Variants in ANKDD1B observed in about 807,000 individuals in gnomAD.
ANKDD1B encodes the protein ankyrin repeat and death domain-containing protein 1B.
Under a neutral mutation model 59.7 loss-of-function variants are expected in ANKDD1B, and 57 were observed. That is an observed-to-expected ratio of 0.95 (90% confidence interval 0.77 to 1.19). The LOEUF is 1.19. Ranked by LOEUF, ANKDD1B falls within the 50% of genes most tolerant of loss-of-function variation. The pLI, the probability that ANKDD1B is intolerant of heterozygous loss-of-function variation, is 0.00. For synonymous variants in ANKDD1B, 216 were observed against 239.5 expected (o/e 0.90, Z 0.91); for missense variants, 602 against 641.9 (o/e 0.94, Z 0.67).
At position 75,620,345 on chromosome 5, in the gene ANKDD1B, G is replaced by T. The variant is rs1307783401; in HGVS notation, c.328G>T (p.Gly110Trp). ...MNRTALHFAV[G>W]RNHLSAVDFL... ...CCGCACAGCCCTGCATTTTGCAGTGGGGAGAAATCATTTATCTGCAGTGGA... is the reference window on the plus strand; with the variant it reads ...CCGCACAGCCCTGCATTTTGCAGTGTGGAGAAATCATTTATCTGCAGTGGA... Residue 110 changes from glycine to tryptophan, a missense_variant, in exon 3 of 14, where the codon GGG becomes TGG. This residue lies in a region of ANKDD1B where 317 missense variants were observed against 304.6 expected (regional missense o/e 1.04). Transcript: ENST00000601380. 1 of 1,534,460 alleles carries T rather than the reference G, an allele frequency of 6.5e-7. No homozygotes were observed. The highest frequency in any genetic ancestry group is 8.7e-7 in the Non-Finnish European group (1 of 1,145,556).
At chr5:75,635,105 A>AGGAG (rs970801422) in intron 6 of ANKDD1B, 109 bp downstream of exon 6, 1 of 686,304 alleles carries the variant, frequency 1.5e-6, no homozygotes, top group African/African-American at 1.8e-5. Flanking sequence ...TTTAGTCAGC[A>AGGAG]GGAGAGTTAA....
Position 75,614,099 on chromosome 5 carries a change from CT to C in ANKDD1B, c.193+2273del, listed in dbSNP as rs551241927. Among the ~76,000 whole-genome samples, 106 of 152,316 alleles carry C rather than the reference CT, an allele frequency of 7.0e-4. No homozygotes were observed. In the South Asian group the frequency reaches 0.01, roughly 15 times the overall value. ...GTTGAGATTTTACCCTACTTGTAAT[CT>C]CACAAGTTAGCTTGCTAGGTGATAG... On this transcript the variant is annotated intron_variant, in intron 1 of 13. Transcript: ENST00000601380.
At chr5:75,614,645 C>A (rs1773668161) in intron 1 of ANKDD1B, among the ~76,000 whole-genome samples, 1 of 152,208 alleles carries the variant, frequency 6.6e-6, no homozygotes. Context: ...ACAGGCTTTT[C>A]ACTGACTCAG....
intron 7 of ANKDD1B, among the ~76,000 whole-genome samples, chr5:75,637,240 C>CAAAAAAAAAAAAAAAAAAAAAAA (rs55640131): frequency 2.9e-4 from 20 of 69,936 alleles, no homozygotes; most frequent in Admixed American, 3.5e-4. Flanking sequence ...GACTCTGTCT[C>CAAAAAAAAAAAAAAAAAAAAAAA]AAAAAAAAAA....
chr5:75,627,882 A>G, intron 5 of ANKDD1B, among the ~76,000 whole-genome samples: 1 of 152,156 alleles, frequency 6.6e-6, no homozygotes, highest in Non-Finnish European at 1.5e-5. Flanking sequence ...TTCCTGTCCA[A>G]AACTCTTTTC....
intron 12 of ANKDD1B, among the ~76,000 whole-genome samples, chr5:75,667,536 G>C (rs1372546354): frequency 6.6e-6 from 1 of 152,170 alleles, no homozygotes; most frequent in African/African-American, 2.4e-5. Context: ...GGCAAATACA[G>C]ACTCAGAGGG....
intron 5 of ANKDD1B, among the ~76,000 whole-genome samples, chr5:75,632,762 T>A (rs1158888369): frequency 6.6e-6 from 1 of 152,202 alleles, no homozygotes; most frequent in African/African-American, 2.4e-5. Context: ...TGTACCCCCA[T>A]ATATAAGCAG....
At chr5:75,619,898 C>T (rs953719955) in intron 2 of ANKDD1B, among the ~76,000 whole-genome samples, 6 of 152,090 alleles carry the variant, frequency 3.9e-5, no homozygotes, top group African/African-American at 1.4e-4. Context: ...AGAACGAACA[C>T]GAGTGGATTG....
chr5:75,670,712 G>A (rs552462880), intron 13 of ANKDD1B, among the ~76,000 whole-genome samples: 4 of 152,312 alleles, frequency 2.6e-5, no homozygotes, highest in Admixed American at 6.5e-5. Flanking sequence ...AGATGAAGAT[G>A]CAGTCCACTG....
intron 1 of ANKDD1B, among the ~76,000 whole-genome samples, chr5:75,615,507 A>T (rs573251003): frequency 6.6e-6 from 1 of 152,284 alleles, no homozygotes; most frequent in African/African-American, 2.4e-5. Flanking sequence ...TGCCACGACA[A>T]AGTACAGCAG....
chr5:75,613,665 T>C (rs1166747229), intron 1 of ANKDD1B, among the ~76,000 whole-genome samples: 1 of 152,144 alleles, frequency 6.6e-6, no homozygotes, highest in Non-Finnish European at 1.5e-5. Flanking sequence ...GGAAAGGATA[T>C]GACATGTTGA....
chr5:75,663,169 T>A (rs116079254), intron 10 of ANKDD1B, among the ~76,000 whole-genome samples: 27 of 152,306 alleles, frequency 1.8e-4, no homozygotes, highest in Non-Finnish European at 3.1e-4. Context: ...TAGGAAATAT[T>A]CAGGGTGGCA....
At chr5:75,627,220 A>G (rs1417566777) in intron 5 of ANKDD1B, among the ~76,000 whole-genome samples, 1 of 152,122 alleles carries the variant, frequency 6.6e-6, no homozygotes, top group African/African-American at 2.4e-5. Flanking sequence ...CCATCTATAC[A>G]ATGGAAACAA....
At chr5:75,666,371 G>A (rs1052087762) in intron 11 of ANKDD1B, among the ~76,000 whole-genome samples, 1 of 152,096 alleles carries the variant, frequency 6.6e-6, no homozygotes, top group African/African-American at 2.4e-5. Context: ...TCTTATTAAG[G>A]ATACAGCCAA....
At chr5:75,667,116 C>G in intron 12 of ANKDD1B, 123 bp downstream of exon 12, 1 of 585,342 alleles carries the variant, frequency 1.7e-6, no homozygotes. Context: ...TTCAAGGGGC[C>G]CAGGAATAGG....
chr5:75,642,086 T>C (rs936517303), intron 7 of ANKDD1B, among the ~76,000 whole-genome samples: 5 of 151,600 alleles, frequency 3.3e-5, no homozygotes, highest in African/African-American at 1.2e-4. Context: ...AAAAATATAG[T>C]ATAGTAAATA....
At chr5:75,627,314 C>T (rs2112967697) in intron 5 of ANKDD1B, among the ~76,000 whole-genome samples, 1 of 152,202 alleles carries the variant, frequency 6.6e-6, no homozygotes, top group Admixed American at 6.5e-5. Context: ...AGCAAACCTC[C>T]ATTCTTTGAT....
Position 75,637,595 on chromosome 5 carries a change from T to C in ANKDD1B, c.798+1713T>C, listed in dbSNP as rs1481477699. On this transcript the variant is annotated intron_variant, in intron 7 of 13. Transcript: ENST00000601380. ...AGAAAAAATAATGCTGCCATTTAAC[T>C]ATGACAAAAAACTTTATTATCACTT... 3.3e-5 allele frequency among the ~76,000 whole-genome samples: 5 copies of C among 152,208 alleles called. No homozygotes were observed. In the East Asian group the frequency reaches 7.7e-4, roughly 23 times the overall value.
chr5:75,624,096 A>T (rs1773926631), intron 3 of ANKDD1B, among the ~76,000 whole-genome samples: 3 of 152,212 alleles, frequency 2.0e-5, no homozygotes, highest in Admixed American at 2.0e-4. Context: ...GAAAAGGCAA[A>T]TAAAATGTAG....
Sources: gnomAD v4.1 joint callset for allele counts (sites outside exome capture counted in the v4.1 genomes callset) on GRCh38, gnomAD v4.1.1 for gene constraint, gnomAD v4.1.1 regional missense constraint, MANE v1.5 for transcripts, NCBI Gene and HGNC (gene_info 2026-07-23, HGNC 2026-07-21) for gene names.